The following ZNF423 variants were observed in gnomAD, a reference collection of about 807,000 sequenced individuals.
ZNF423 encodes zinc finger protein 423.
In ZNF423, 12 loss-of-function variants were observed where a neutral mutation model predicts 95.8. That is an observed-to-expected ratio of 0.13 (90% CI 0.08 to 0.20). The LOEUF (loss-of-function observed/expected upper bound fraction) is 0.20. Among genes scored for constraint, ZNF423 ranks in the 10% least tolerant of loss-of-function variants. ZNF423 has a pLI of 1.00. For missense variants in ZNF423, 1,316 were observed against 1,737.1 expected (o/e 0.76, Z 4.31); for synonymous variants, 749 against 711.9 (o/e 1.05, Z -0.83).
At chr16:49,782,911 C>T (rs1303690177) in intron 2 of ZNF423, among the ~76,000 whole-genome samples, 1 of 151,158 alleles carries the variant, frequency 6.6e-6, no homozygotes, top group Admixed American at 6.6e-5. Context: ...ATTGTTTGAG[C>T]CCAGGAGTTC....
chr16:49,811,281 C>T (rs1567353868), intron 1 of ZNF423, among the ~76,000 whole-genome samples: 1 of 152,064 alleles, frequency 6.6e-6, no homozygotes, highest in Non-Finnish European at 1.5e-5. Context: ...GACCAAGCAG[C>T]GGTAGAGAGA....
intron 3 of ZNF423, among the ~76,000 whole-genome samples, chr16:49,666,432 C>T (rs2151920512): frequency 6.6e-6 from 1 of 152,346 alleles, no homozygotes; most frequent in African/African-American, 2.4e-5. Context: ...GTTCTATACA[C>T]ATGATCACGT....
At chr16:49,499,954 G>A (rs750427358) in intron 7 of ZNF423, among the ~76,000 whole-genome samples, 3 of 152,166 alleles carry the variant, frequency 2.0e-5, no homozygotes, top group Non-Finnish European at 2.9e-5. Context: ...CCTGCCTGGA[G>A]GGACAGGGGA....
At chr16:49,783,721 G>A (rs2034258870) in intron 2 of ZNF423, among the ~76,000 whole-genome samples, 1 of 151,956 alleles carries the variant, frequency 6.6e-6, no homozygotes, top group Admixed American at 6.6e-5. Flanking sequence ...AAAGGCACTG[G>A]GAGCCTTTGG....
At chr16:49,556,492 C>T (rs1471062660) in intron 5 of ZNF423, among the ~76,000 whole-genome samples, 1 of 152,128 alleles carries the variant, frequency 6.6e-6, no homozygotes, top group Admixed American at 6.5e-5. Flanking sequence ...ACTCGGAGGC[C>T]CCCACAGCCC....
chr16:49,552,713 G>A (rs138128266), intron 5 of ZNF423, among the ~76,000 whole-genome samples: 7 of 152,218 alleles, frequency 4.6e-5, no homozygotes, highest in East Asian at 3.9e-4. Flanking sequence ...AAGTGCAAGC[G>A]TGTCATTCAG....
Position 49,638,173 on chromosome 16 carries a change from T to A in ZNF423, c.1003A>T (p.Met335Leu). Residue 335 changes from methionine (M) to leucine (L), a missense_variant, in exon 4 of 8, where the codon ATG becomes TTG. Coordinates refer to ENST00000563137, the MANE Select transcript of ZNF423 (RefSeq NM_001379286.1). This position sits in a 1 kb window ranked among gnomAD's most constrained non-coding sequence, Gnocchi z 5.6. ...AHANQKHKCP[M>L]CPEQFSSVEG... is the part of the protein sequence containing the mutation. ...ACTGAGGAGAACTGCTCAGGGCACATGGGGCACTTGTGTTTCTGGTTGGCG... is the reference window on the plus strand; with the variant it reads ...ACTGAGGAGAACTGCTCAGGGCACAAGGGGCACTTGTGTTTCTGGTTGGCG... 1 of 1,609,000 alleles carries A rather than the reference T, an allele frequency of 6.2e-7. No individual in the cohort carries two copies. Among genetic ancestry groups the A allele is most frequent in the Non-Finnish European group, 8.5e-7 (1 of 1,179,980 alleles).
chr16:49,609,558 T>C (rs1417806004), intron 5 of ZNF423, among the ~76,000 whole-genome samples: 1 of 151,812 alleles, frequency 6.6e-6, no homozygotes, highest in Non-Finnish European at 1.5e-5. Flanking sequence ...AGGCACTAAA[T>C]GGAAATTTTA....
intron 1 of ZNF423, among the ~76,000 whole-genome samples, chr16:49,852,520 C>G (rs999160595): frequency 6.6e-6 from 1 of 151,732 alleles, no homozygotes; most frequent in Non-Finnish European, 1.5e-5. Flanking sequence ...TATCATCGGC[C>G]GAAATAACAT....
chr16:49,737,087 G>C lies in ZNF423; in HGVS notation c.101-6116C>G, dbSNP rs558834864. ...TTTTACACTCACACTGCCCCATTTC[G>C]ATGAGGACAGAAACTCTATGTGGTA... On this transcript the variant is annotated intron_variant, in intron 2 of 7. Transcript: ENST00000563137. Among the ~76,000 whole-genome samples the C allele has an allele frequency of 1.1e-4, 17 of 151,954 alleles. No homozygotes were observed. In the South Asian group the frequency reaches 3.5e-3, roughly 32 times the overall value.
At chr16:49,648,111 G>A (rs1199539873) in intron 3 of ZNF423, among the ~76,000 whole-genome samples, 2 of 152,214 alleles carry the variant, frequency 1.3e-5, no homozygotes, top group African/African-American at 4.8e-5. Context: ...AAATCATCAT[G>A]AACAGACTAT....
chr16:49,832,519 G>A (rs1174364018), intron 1 of ZNF423, among the ~76,000 whole-genome samples: 2 of 152,092 alleles, frequency 1.3e-5, no homozygotes, highest in Non-Finnish European at 2.9e-5. Flanking sequence ...GAAGGCCCAG[G>A]AAGAGCTCCT....
At chr16:49,585,488 T>C (rs1447877342) in intron 5 of ZNF423, among the ~76,000 whole-genome samples, 4 of 152,214 alleles carry the variant, frequency 2.6e-5, no homozygotes, top group South Asian at 4.1e-4. Flanking sequence ...AGGTATTTTT[T>C]AGTTGCATGC....
intron 2 of ZNF423, among the ~76,000 whole-genome samples, chr16:49,740,350 C>G (rs910748033): frequency 6.6e-6 from 1 of 152,222 alleles, no homozygotes; most frequent in Non-Finnish European, 1.5e-5. Flanking sequence ...TCCATGAACA[C>G]TCTCTCAAGC....
chr16:49,612,634 C>T (rs975459422), intron 5 of ZNF423, among the ~76,000 whole-genome samples: 8 of 152,084 alleles, frequency 5.3e-5, no homozygotes, highest in African/African-American at 1.9e-4. Context: ...AACATACCCA[C>T]TCTCACACTA....
intron 5 of ZNF423, among the ~76,000 whole-genome samples, chr16:49,615,102 G>A (rs1296055056): frequency 6.7e-6 from 1 of 148,276 alleles, no homozygotes; most frequent in Non-Finnish European, 1.5e-5. Flanking sequence ...TTGCACTCCA[G>A]CCTGGGCAAC....
At chr16:49,505,108 C>T (rs1967578248) in intron 7 of ZNF423, among the ~76,000 whole-genome samples, 1 of 152,128 alleles carries the variant, frequency 6.6e-6, no homozygotes, top group Non-Finnish European at 1.5e-5. Flanking sequence ...CAAGCCTTTA[C>T]CACTTTAAAT....
intron 1 of ZNF423, among the ~76,000 whole-genome samples, chr16:49,815,914 A>ATATATAT (rs1445194160): frequency 1.1e-3 from 32 of 29,792 alleles, no homozygotes; most frequent in Non-Finnish European, 1.5e-3. Context: ...ATATATATAT[A>ATATATAT]TTTTTTTTTT....
chr16:49,639,164 G>A lies in ZNF423; in HGVS notation c.302-290C>T, dbSNP rs567943870. On this transcript the variant is annotated intron_variant, in intron 3 of 7. Transcript: ENST00000563137. ...ACCCCCCATCAGAGGGGAGGCTCTC[G>A]GCCACTTTCCTGATAGGGAAAGGAG... 1.1e-4 allele frequency among the ~76,000 whole-genome samples: 17 copies of A among 152,266 alleles called. No individual in the cohort carries two copies. In the South Asian group the frequency reaches 1.9e-3, roughly 17 times the overall value.
Sources: gnomAD v4.1 joint callset for allele counts (sites outside exome capture counted in the v4.1 genomes callset) on GRCh38, gnomAD v4.1.1 for gene constraint, Gnocchi (gnomAD v3.1) non-coding constraint, MANE v1.5 for transcripts, NCBI Gene and HGNC (gene_info 2026-07-23, HGNC 2026-07-21) for gene names.